The following DMD variants were observed in gnomAD, a reference collection of about 807,000 sequenced individuals.
DMD encodes mutant dystrophin.
DMD carries 63 observed loss-of-function variants against 330.1 expected under a neutral mutation model. The ratio of observed to expected loss-of-function variants is 0.19; its 90% CI spans 0.16 to 0.24. The LOEUF (loss-of-function observed/expected upper bound fraction) is 0.24. Among genes scored for constraint, DMD ranks in the 10% least tolerant of loss-of-function variants. DMD has a pLI of 1.00. For missense variants in DMD, 3,344 were observed against 2,684.1 expected (o/e 1.25, Z -5.43); for synonymous variants, 1,223 against 959.8 (o/e 1.27, Z -5.07).
At chrX:33,032,077 TG>T (rs1481309875) in intron 1 of DMD, among the ~76,000 whole-genome samples, 1 of 111,980 alleles carries the variant, frequency 8.9e-6, no homozygotes, top group Non-Finnish European at 1.9e-5. Flanking sequence ...CCACTTGCCA[TG>T]GTTCACCATG....
At chrX:33,001,064 G>A (rs12843460) in intron 2 of DMD, among the ~76,000 whole-genome samples, 1,779 of 111,173 alleles carry the variant, frequency 0.016, 20 homozygotes, top group Non-Finnish European at 0.023. Context: ...CTACTGTTAA[G>A]ACACAGGATG....
intron 9 of DMD, among the ~76,000 whole-genome samples, chrX:32,649,118 GTTTTTT>G (rs987360639): frequency 1.0e-5 from 1 of 97,996 alleles, no homozygotes; most frequent in Non-Finnish European, 2.1e-5. Flanking sequence ...TTCTGTTTTT[GTTTTTT>G]TTTTTTCCCC....
chrX:31,950,002 G>A (rs2095139991), intron 45 of DMD, among the ~76,000 whole-genome samples: 1 of 108,790 alleles, frequency 9.2e-6, no homozygotes, highest in African/African-American at 3.3e-5. Context: ...ATTGACTTCT[G>A]CTCTAACCCC....
At chrX:31,122,468 T>G (rs988639975) in intron 78 of DMD, among the ~76,000 whole-genome samples, 1 of 111,334 alleles carries the variant, frequency 9.0e-6, no homozygotes, top group African/African-American at 3.3e-5. Flanking sequence ...CCACACCAAC[T>G]TTTCATTTCA....
intron 7 of DMD, among the ~76,000 whole-genome samples, chrX:32,739,884 C>A (rs907876684): frequency 3.6e-5 from 4 of 110,154 alleles, no homozygotes; most frequent in African/African-American, 1.3e-4. Context: ...CCCAACACTC[C>A]CTGTTTTAAC....
At chrX:31,897,042 G>A (rs1268006467) in intron 47 of DMD, among the ~76,000 whole-genome samples, 2 of 109,442 alleles carry the variant, frequency 1.8e-5, no homozygotes, top group African/African-American at 3.3e-5. Flanking sequence ...ATCTAGCATT[G>A]GGTATATCTC....
chrX:33,009,043 T>A (rs547888239), intron 2 of DMD, among the ~76,000 whole-genome samples: 44 of 97,485 alleles, frequency 4.5e-4, no homozygotes, highest in African/African-American at 1.6e-3. Flanking sequence ...TGTGTATATA[T>A]GTATATGTGT....
intron 11 of DMD, among the ~76,000 whole-genome samples, chrX:32,638,299 C>A (rs746383736): frequency 3.6e-5 from 4 of 111,680 alleles, no homozygotes; most frequent in Admixed American, 1.9e-4. Flanking sequence ...ATTTTTAGAG[C>A]TCCTGAGAAA....
At position 31,348,598 on chromosome X, in the gene DMD, C is replaced by T; in HGVS notation, c.9121G>A (p.Ala3041Thr). Residue 3041 changes from alanine (A) to threonine (T), a missense_variant, in exon 61 of 79, where the codon GCC becomes ACC. Coordinates refer to ENST00000357033, the MANE Select transcript of DMD (RefSeq NM_004006.3). ...VEDRVRQLHE[A>T]HRDFGPASQH... ...GATGCTGGACCAAAGTCCCTGTGGG[C>T]TTCATGCAGCTGCCTGACTCGGTCC... 8.3e-7 allele frequency: 1 copy of T among 1,211,127 alleles called. No individual in the cohort carries two copies. Among genetic ancestry groups the T allele is most frequent in the Non-Finnish European group, 1.1e-6 (1 of 895,159 alleles).
At chrX:32,833,396 G>GA (rs1370777309) in intron 4 of DMD, among the ~76,000 whole-genome samples, 2 of 110,299 alleles carry the variant, frequency 1.8e-5, no homozygotes, top group Non-Finnish European at 3.8e-5. Context: ...TAATCTGGTT[G>GA]AACGTATTAA....
intron 42 of DMD, among the ~76,000 whole-genome samples, chrX:32,306,449 A>G (rs1235261925): frequency 1.8e-5 from 2 of 110,698 alleles, no homozygotes; most frequent in African/African-American, 6.5e-5. Context: ...CCTATTTAAA[A>G]TCTACATTAG....
chrX:31,468,503 C>G (rs888106926), intron 59 of DMD, among the ~76,000 whole-genome samples: 3 of 112,026 alleles, frequency 2.7e-5, no homozygotes, highest in African/African-American at 6.5e-5. Context: ...ATCCTGAGTT[C>G]TAATTTGATT....
At chrX:32,690,071 A>C (rs1386061610) in intron 9 of DMD, among the ~76,000 whole-genome samples, 2 of 87,135 alleles carry the variant, frequency 2.3e-5, no homozygotes, top group South Asian at 4.2e-4. Context: ...ATAATTAGGC[A>C]AAAAAAAAAA....
chrX:31,985,448 G>A (rs1016616577), intron 44 of DMD, among the ~76,000 whole-genome samples: 2 of 112,230 alleles, frequency 1.8e-5, no homozygotes, highest in South Asian at 3.7e-4. Context: ...TATTTATGTC[G>A]CTTCTACATA....
chrX:32,023,456 C>T (rs1350763250), intron 44 of DMD, among the ~76,000 whole-genome samples: 1 of 111,065 alleles, frequency 9.0e-6, no homozygotes, highest in African/African-American at 3.3e-5. Flanking sequence ...ACAATATCGA[C>T]GTGTATGTCT....
intron 1 of DMD, among the ~76,000 whole-genome samples, chrX:33,303,511 A>G (rs1047094707): frequency 9.0e-6 from 1 of 111,133 alleles, no homozygotes; most frequent in African/African-American, 3.3e-5. Context: ...GATTATGTAG[A>G]TACTTACTGA....
chrX:32,360,629 A>G (rs907940978), intron 37 of DMD, among the ~76,000 whole-genome samples: 1 of 109,204 alleles, frequency 9.2e-6, no homozygotes, highest in Admixed American at 9.9e-5. Context: ...CTCTGCCAAA[A>G]TACAAAAATT....
At chrX:32,462,631 T>C (rs892314015) in intron 25 of DMD, among the ~76,000 whole-genome samples, 22 of 111,017 alleles carry the variant, frequency 2.0e-4, no homozygotes, top group Non-Finnish European at 1.1e-4. Context: ...TCAGCTATTC[T>C]TAATGGTTAC....
chrX:33,009,358 G>A (rs868591928), intron 2 of DMD, among the ~76,000 whole-genome samples: 4 of 55,526 alleles, frequency 7.2e-5, no homozygotes, highest in South Asian at 9.7e-4. Flanking sequence ...ACACATGTGT[G>A]TATATGTGTA....
Sources: gnomAD v4.1 joint callset for allele counts (sites outside exome capture counted in the v4.1 genomes callset) on GRCh38, gnomAD v4.1.1 for gene constraint, MANE v1.5 for transcripts, NCBI Gene and HGNC (gene_info 2026-07-23, HGNC 2026-07-21) for gene names.